The following LYG1 variants were observed in gnomAD, a reference collection of about 807,000 sequenced individuals.
LYG1 encodes the protein lysozyme g1, also known as lysozyme g-like protein 1.
In LYG1, 17 loss-of-function variants were observed where a neutral mutation model predicts 21.7. The ratio of observed to expected loss-of-function variants is 0.78; its 90% CI spans 0.54 to 1.18. The LOEUF is 1.18. Among genes scored for constraint, LYG1 ranks in the 50% most tolerant of loss-of-function variants. The pLI, the probability that LYG1 is intolerant of heterozygous loss-of-function variation, is 0.00. For missense variants in LYG1, 211 were observed against 238.1 expected (o/e 0.89, Z 0.75); for synonymous variants, 81 against 87.4 (o/e 0.93, Z 0.41).
chr2:99,293,587 C>T (rs971475992), intron 3 of LYG1, among the ~76,000 whole-genome samples: 9 of 152,200 alleles, frequency 5.9e-5, no homozygotes, highest in African/African-American at 2.2e-4. Flanking sequence ...TTCCCTTTAT[C>T]TCTTTCTCCT....
At chr2:99,289,738 G>A (rs547433732) in intron 5 of LYG1, among the ~76,000 whole-genome samples, 20 of 152,244 alleles carry the variant, frequency 1.3e-4, no homozygotes, top group South Asian at 1.2e-3. Flanking sequence ...TAGTCTGAAC[G>A]TCTAAAGGGA....
intron 5 of LYG1, among the ~76,000 whole-genome samples, chr2:99,290,833 T>C (rs975957644): frequency 2.6e-5 from 4 of 152,242 alleles, no homozygotes; most frequent in Non-Finnish European, 4.4e-5. Context: ...TTTTGCATTG[T>C]TTCATGGAAT....
chr2:99,303,655 G>A (rs917124247), upstream of LYG1, among the ~76,000 whole-genome samples: 2 of 152,146 alleles, frequency 1.3e-5, no homozygotes, highest in Non-Finnish European at 1.5e-5. Flanking sequence ...AGAGTGACTC[G>A]GGAGACTTCA....
chr2:99,303,604 A>T (rs1451309270), upstream of LYG1, among the ~76,000 whole-genome samples: 9 of 152,156 alleles, frequency 5.9e-5, no homozygotes, highest in Admixed American at 5.9e-4. Context: ...TTTATGTTTT[A>T]AAAAGTGTCC....
chr2:99,296,405 C>T (rs2094136545), intron 2 of LYG1, among the ~76,000 whole-genome samples: 2 of 152,170 alleles, frequency 1.3e-5, no homozygotes, highest in African/African-American at 2.4e-5. Context: ...TCATGAGGTG[C>T]TCACAAGACT....
Position 99,295,619 on chromosome 2 carries a change from C to T in LYG1, c.43+9G>A, listed in dbSNP as rs745565787. On this transcript the variant is annotated intron_variant, in intron 3 of 6. Transcript: ENST00000308528. ...TCCAAAGTCATTTGTAAAAATCAGC[C>T]ACACTCACCCATCAGGGCAAGGAGG... 1.2e-6 allele frequency: 2 copies of T among 1,614,124 alleles called. No individual in the cohort carries two copies. The highest frequency in any genetic ancestry group is 1.1e-5 in the South Asian group (1 of 91,084).
chr2:99,292,518 G>A lies in LYG1; in HGVS notation c.148+18C>T, dbSNP rs1188952294. The A allele has an allele frequency of 6.3e-7, 1 of 1,584,880 alleles. No homozygotes were observed. Among genetic ancestry groups the A allele is most frequent in the Admixed American group, 1.7e-5 (1 of 59,974 alleles). Reference sequence around the variant, plus strand: ...GAAAGCCGGGGGATAGGTTGAGAGGGCGAAAGCTCATAGCTACCACAGTAG... The same window carrying A: ...GAAAGCCGGGGGATAGGTTGAGAGGACGAAAGCTCATAGCTACCACAGTAG... On this transcript the variant is annotated intron_variant, in intron 4 of 6. Coordinates refer to ENST00000308528, the MANE Select transcript of LYG1 (RefSeq NM_174898.3).
chr2:99,285,901 G>A (rs1443068254), intron 5 of LYG1, among the ~76,000 whole-genome samples: 1 of 152,168 alleles, frequency 6.6e-6, no homozygotes, highest in African/African-American at 2.4e-5. Context: ...AAAGACAGGT[G>A]CTATAATTTG....
At chr2:99,284,581 C>G in intron 6 of LYG1, 70 bp from the exon 7 acceptor site, 1 of 1,593,182 alleles carries the variant, frequency 6.3e-7, no homozygotes, top group Non-Finnish European at 8.6e-7. Flanking sequence ...TCTTTACTAA[C>G]TACCTAACAG....
At chr2:99,287,881 T>C (rs986518158) in intron 5 of LYG1, among the ~76,000 whole-genome samples, 1 of 152,150 alleles carries the variant, frequency 6.6e-6, no homozygotes, top group Non-Finnish European at 1.5e-5. Flanking sequence ...CAGGAAACAA[T>C]TGTGTATATC....
intron 5 of LYG1, among the ~76,000 whole-genome samples, chr2:99,285,353 C>T (rs1266363474): frequency 6.6e-6 from 1 of 151,192 alleles, no homozygotes; most frequent in Non-Finnish European, 1.5e-5. Context: ...TGCATTCCAT[C>T]CTGGGTGACA....
At chr2:99,294,665 G>A (rs1574886573) in intron 3 of LYG1, among the ~76,000 whole-genome samples, 1 of 152,142 alleles carries the variant, frequency 6.6e-6, no homozygotes, top group African/African-American at 2.4e-5. Context: ...TATTCCCAAT[G>A]CTTAGCACCT....
chr2:99,294,145 C>G (rs1000305563), intron 3 of LYG1, among the ~76,000 whole-genome samples: 2 of 152,142 alleles, frequency 1.3e-5, no homozygotes, highest in Non-Finnish European at 2.9e-5. Context: ...AACTCCTGAG[C>G]TCAAGCAATT....
intron 5 of LYG1, among the ~76,000 whole-genome samples, 188 bp from the exon 6 acceptor site, chr2:99,285,008 C>G (rs115169923): frequency 0.015 from 2,309 of 152,232 alleles, 64 homozygotes; most frequent in African/African-American, 0.052. Context: ...TTATGGGGAA[C>G]AAATTTGCCA....
chr2:99,292,661 A>G, intron 3 of LYG1, 21 bp from the exon 4 acceptor site: 1 of 1,521,152 alleles, frequency 6.6e-7, no homozygotes, highest in South Asian at 1.1e-5. Flanking sequence ...AGAAAAGTTC[A>G]GCCTAAGGCA....
chr2:99,284,257 T>C lies in LYG1; in HGVS notation c.*136A>G. 1 of 740,746 alleles carries C rather than the reference T, an allele frequency of 1.3e-6. No individual in the cohort carries two copies. The highest frequency in any genetic ancestry group is 2.3e-6 in the Non-Finnish European group (1 of 433,784). The allele number at this position is 740,746 out of a possible 1,614,324, so 45.9% of individuals were successfully genotyped here. On this transcript the variant is annotated 3_prime_UTR_variant, in exon 7 of 7. Transcript: ENST00000308528. Reference sequence around the variant, plus strand: ...TATAAATGCAGGTCAAAATTCTTCCTTTAATGTGATTCATGTTATTTTAAT... The same window carrying C: ...TATAAATGCAGGTCAAAATTCTTCCCTTAATGTGATTCATGTTATTTTAAT...
intron 3 of LYG1, among the ~76,000 whole-genome samples, chr2:99,293,515 A>G (rs2105296829): frequency 6.6e-6 from 1 of 152,312 alleles, no homozygotes; most frequent in South Asian, 2.1e-4. Flanking sequence ...AAGGCTGCAG[A>G]AGGGAGTGAA....
chr2:99,297,038 T>C (rs141869067), intron 2 of LYG1, among the ~76,000 whole-genome samples: 1 of 152,188 alleles, frequency 6.6e-6, no homozygotes, highest in African/African-American at 2.4e-5. Flanking sequence ...AAGGAAGTTA[T>C]TCGATTTCTG....
At chr2:99,295,870 A>G (rs1361096981) in intron 2 of LYG1, among the ~76,000 whole-genome samples, 168 bp from the exon 3 acceptor site, 1 of 152,176 alleles carries the variant, frequency 6.6e-6, no homozygotes, top group Non-Finnish European at 1.5e-5. Flanking sequence ...TAGGACAAGT[A>G]AGTGCTCCAT....
Sources: gnomAD v4.1 joint callset for allele counts (sites outside exome capture counted in the v4.1 genomes callset) on GRCh38, gnomAD v4.1.1 for gene constraint, MANE v1.5 for transcripts, NCBI Gene and HGNC (gene_info 2026-07-23, HGNC 2026-07-21) for gene names.